Variants in CPQ observed in about 807,000 individuals in gnomAD.
CPQ encodes the protein Ser-Met dipeptidase.
CPQ carries 37 observed loss-of-function variants against 45.7 expected under a neutral mutation model. That is an observed-to-expected ratio of 0.81 (90% CI 0.62 to 1.07). The LOEUF is 1.07. CPQ is among the 50% of genes least tolerant of loss of function. The probability of loss-of-function intolerance (pLI) is 0.00; values close to 1 mark genes in which losing one functional copy is unlikely to be tolerated. For synonymous variants in CPQ, 186 were observed against 205.8 expected (o/e 0.90, Z 0.82); for missense variants, 537 against 572.9 (o/e 0.94, Z 0.64).
chr8:97,126,299 T>C (rs1360257337), intron 7 of CPQ, among the ~76,000 whole-genome samples: 1 of 152,094 alleles, frequency 6.6e-6, no homozygotes, highest in Admixed American at 6.6e-5. Flanking sequence ...CCTTCTGAGG[T>C]TGGACAGGTA....
chr8:96,818,577 T>C (rs986786817), intron 2 of CPQ, among the ~76,000 whole-genome samples: 61 of 152,226 alleles, frequency 4.0e-4, no homozygotes, highest in African/African-American at 1.4e-3. Flanking sequence ...TGAGGTATGC[T>C]TGAATATTTG....
chr8:96,869,442 C>T (rs751188458), intron 3 of CPQ, among the ~76,000 whole-genome samples: 13 of 152,082 alleles, frequency 8.5e-5, no homozygotes, highest in Admixed American at 2.0e-4. Context: ...TCTATAGTCA[C>T]ACTGGGCATG....
chr8:97,116,519 G>GT lies in CPQ; in HGVS notation c.1256-26494dup, dbSNP rs981385202. 3.3e-5 allele frequency among the ~76,000 whole-genome samples: 5 copies of GT among 152,104 alleles called. 1 individual carries two copies. Among genetic ancestry groups the GT allele is most frequent in the East Asian group, 3.9e-4 (2 of 5,168 alleles). ...GGAAAGTCTGAAAACCCTTAACATG[G>GT]TTTTTTTCCAAATTTTTAGAAATTT... On this transcript the variant is annotated intron_variant, in intron 7 of 7. Transcript: ENST00000220763.
intron 5 of CPQ, among the ~76,000 whole-genome samples, chr8:97,027,777 A>G (rs7004620): frequency 0.012 from 1,769 of 152,334 alleles, 47 homozygotes; most frequent in African/African-American, 0.039. Context: ...GTGTCAAACA[A>G]TCTAGGAATT....
intron 4 of CPQ, among the ~76,000 whole-genome samples, chr8:96,950,958 T>C (rs1328166216): frequency 1.3e-5 from 2 of 152,138 alleles, no homozygotes; most frequent in Non-Finnish European, 2.9e-5. Context: ...TCTTAATTAC[T>C]GTGTTGTAAT....
chr8:96,886,444 T>C (rs2130886072), intron 4 of CPQ, among the ~76,000 whole-genome samples: 1 of 152,350 alleles, frequency 6.6e-6, no homozygotes, highest in South Asian at 2.1e-4. Flanking sequence ...GGAACTACTT[T>C]GCATTTGAAA....
intron 4 of CPQ, among the ~76,000 whole-genome samples, chr8:96,896,062 C>T (rs913251134): frequency 7.9e-5 from 12 of 152,110 alleles, no homozygotes; most frequent in Non-Finnish European, 1.6e-4. Context: ...AGAACCTTGA[C>T]TGGTTATGAG....
intron 2 of CPQ, among the ~76,000 whole-genome samples, chr8:96,788,515 T>G (rs1245621917): frequency 1.3e-5 from 2 of 152,132 alleles, no homozygotes; most frequent in African/African-American, 2.4e-5. Flanking sequence ...GGTTTCCTTG[T>G]ATGTGCTGAG....
At chr8:96,998,620 C>G (rs1434850807) in intron 5 of CPQ, among the ~76,000 whole-genome samples, 1 of 151,832 alleles carries the variant, frequency 6.6e-6, no homozygotes, top group Non-Finnish European at 1.5e-5. Context: ...ATTTTAAAAC[C>G]TCTTTCTATA....
At position 96,915,230 on chromosome 8, in the gene CPQ, G is replaced by A. The variant is rs183432950; in HGVS notation, c.849+35225G>A. Among the ~76,000 whole-genome samples the A allele has an allele frequency of 2.0e-3, 311 of 152,238 alleles. 2 individuals are homozygous for A. The highest frequency in any genetic ancestry group is 3.4e-3 in the Non-Finnish European group (229 of 68,006). ...TTTTTAAGAGCTGCAGCCTTGGGAA[G>A]ATTTTTTTTCCGTGCCTCTCCTGTG... On this transcript the variant is annotated intron_variant, in intron 4 of 7. Transcript: ENST00000220763.
intron 3 of CPQ, among the ~76,000 whole-genome samples, chr8:96,861,698 G>A (rs115762497): frequency 0.016 from 2,509 of 152,138 alleles, 68 homozygotes; most frequent in African/African-American, 0.055. Flanking sequence ...ACAAAAATTA[G>A]ATAATTACTC....
chr8:96,860,739 A>C (rs985273568), intron 3 of CPQ, among the ~76,000 whole-genome samples: 12 of 152,252 alleles, frequency 7.9e-5, no homozygotes, highest in Non-Finnish European at 1.6e-4. Flanking sequence ...ATAGGGAGGA[A>C]GCAGGATAAG....
At chr8:97,108,336 A>G (rs1811439348) in intron 7 of CPQ, among the ~76,000 whole-genome samples, 1 of 152,150 alleles carries the variant, frequency 6.6e-6, no homozygotes, top group African/African-American at 2.4e-5. Context: ...GGCAGCTCCT[A>G]CTGGCCTTTT....
intron 1 of CPQ, among the ~76,000 whole-genome samples, chr8:96,737,355 G>GATATATATATATATATATATAT (rs372241683): frequency 0.011 from 1,302 of 117,788 alleles, 32 homozygotes; most frequent in Middle Eastern, 0.019. Flanking sequence ...ACTAATAGGA[G>GATATATATATATATATATATAT]ATATATATAT....
At position 97,016,976 on chromosome 8, in the gene CPQ, G is replaced by T. The variant is rs114194379; in HGVS notation, c.962-12427G>T. On this transcript the variant is annotated intron_variant, in intron 5 of 7. Coordinates refer to ENST00000220763, the MANE Select transcript of CPQ (RefSeq NM_016134.4). ...GCATTGTGAACTTTTACTCAACAAT[G>T]ACTGCAGGAATACATTAGGAAAGCC... is the stretch of plus-strand genomic sequence containing the variant. Among the ~76,000 whole-genome samples the T allele has an allele frequency of 2.5e-3, 376 of 152,286 alleles. 3 individuals carry two copies. The highest frequency in any genetic ancestry group is 8.8e-3 in the African/African-American group (364 of 41,550).
At chr8:96,646,231 C>T (rs111440359) in intron 1 of CPQ, among the ~76,000 whole-genome samples, 5 of 151,968 alleles carry the variant, frequency 3.3e-5, no homozygotes, top group African/African-American at 1.2e-4. Context: ...CTGGAAACGC[C>T]CCCTGGTATT....
At chr8:97,140,233 A>G (rs1812136372) in intron 7 of CPQ, among the ~76,000 whole-genome samples, 1 of 152,048 alleles carries the variant, frequency 6.6e-6, no homozygotes, top group African/African-American at 2.4e-5. Context: ...GCCAATAACC[A>G]TGAAAGAAAT....
intron 6 of CPQ, among the ~76,000 whole-genome samples, chr8:97,062,458 A>G (rs1397241729): frequency 1.3e-5 from 2 of 152,096 alleles, no homozygotes; most frequent in African/African-American, 4.8e-5. Flanking sequence ...CCAAACTGCT[A>G]ACTAGCTCCA....
intron 3 of CPQ, among the ~76,000 whole-genome samples, chr8:96,847,836 CT>C (rs76194040): frequency 0.058 from 4,886 of 84,458 alleles, 177 homozygotes; most frequent in Middle Eastern, 0.18. Context: ...ATTTGTTTTC[CT>C]TTTTTTTTTT....
Sources: gnomAD v4.1 joint callset for allele counts (sites outside exome capture counted in the v4.1 genomes callset) on GRCh38, gnomAD v4.1.1 for gene constraint, MANE v1.5 for transcripts, NCBI Gene and HGNC (gene_info 2026-07-23, HGNC 2026-07-21) for gene names.